The following LTBP4 variants were observed in gnomAD, a reference collection of about 807,000 sequenced individuals.
LTBP4 encodes the protein latent transforming growth factor beta binding protein 4.
In LTBP4, 93 loss-of-function variants were observed where a neutral mutation model predicts 180.2. The observed-to-expected ratio is 0.52, with a 90% CI of 0.44 to 0.61. LTBP4 has a LOEUF of 0.61. LTBP4 is among the 20% of genes least tolerant of loss of function. The probability of loss-of-function intolerance (pLI) is 0.00; values close to 1 mark genes in which losing one functional copy is unlikely to be tolerated. For synonymous variants in LTBP4, 947 were observed against 934.5 expected (o/e 1.01, Z -0.24); for missense variants, 2,116 against 2,256.5 (o/e 0.94, Z 1.26).
At position 40,627,128 on chromosome 19, in the gene LTBP4, T is replaced by C; in HGVS notation, c.4139T>C (p.Leu1380Pro). ...CCTGAGTTGTACCCACCACCTGCGC[T>C]ACCCTACGACCCCTACCCACCGCCA... ...YGPELYPPPA[L>P]PYDPYPPPPG... The change falls in exon 28 of 30, where the codon CTA (leucine) becomes CCA (proline). Residue 1380 changes from leucine (L) to proline (P), a missense_variant. This residue lies in a region of LTBP4 where 488 missense variants were observed against 458.8 expected (regional missense o/e 1.06). Transcript: ENST00000396819. The C allele has an allele frequency of 6.2e-7, 1 of 1,613,866 alleles. No homozygotes were observed.
At chr19:40,608,393 G>T (rs2081479278) in intron 8 of LTBP4, 24 bp downstream of exon 8, 8 of 1,609,180 alleles carry the variant, frequency 5.0e-6, no homozygotes, top group African/African-American at 1.3e-5. Flanking sequence ...GGCAGAAGTG[G>T]GTGCCATCTT....
Position 40,617,242 on chromosome 19 carries a change from G to A in LTBP4, c.3070+17G>A, listed in dbSNP as rs769136518. 1.2e-6 allele frequency: 2 copies of A among 1,609,136 alleles called. No homozygotes were observed. The highest frequency in any genetic ancestry group is 4.5e-5 in the East Asian group (2 of 44,746). ...ACTGCGTGGGTACGGGACTTCAGGA[G>A]GTGGATGGGACCAAAGGGGGTGGGG... is the stretch of plus-strand genomic sequence containing the variant. On this transcript the variant is annotated intron_variant, in intron 21 of 29. Transcript: ENST00000396819.
intron 24 of LTBP4, 104 bp from the exon 25 acceptor site, chr19:40,623,500 A>T (rs1345127585): frequency 1.5e-6 from 2 of 1,378,230 alleles, no homozygotes; most frequent in Non-Finnish European, 2.0e-6. Context: ...CCCTGTCTCT[A>T]CTTCTTGGTC....
chr19:40,615,697 G>A (rs1196100678), intron 19 of LTBP4, among the ~76,000 whole-genome samples: 5 of 152,066 alleles, frequency 3.3e-5, no homozygotes, highest in Non-Finnish European at 7.4e-5. Context: ...GGCGGAGGTG[G>A]CAGTTGAGCC....
In LTBP4 at chr19:40,623,666, G is replaced by A; in HGVS notation, c.3619G>A (p.Ala1207Thr). Residue 1207 changes from alanine to threonine, a missense_variant, in exon 25 of 30, where the codon GCC becomes ACC. Physicochemically the swap from Ala to Thr is moderately conservative, Grantham distance 58. Coordinates refer to ENST00000396819, the MANE Select transcript of LTBP4 (RefSeq NM_001042545.2). Reference protein sequence around the residue: ...VCKSGVCVNTAPGYSCYCSNG... With the variant: ...VCKSGVCVNTTPGYSCYCSNG... Reference sequence around the variant, plus strand: ...CAAGAGTGGCGTGTGTGTGAACACGGCCCCGGGCTACTCATGCTATTGCAG... The same window carrying A: ...CAAGAGTGGCGTGTGTGTGAACACGACCCCGGGCTACTCATGCTATTGCAG... 1 of 1,613,804 alleles carries A rather than the reference G, an allele frequency of 6.2e-7. No homozygotes were observed. The highest frequency in any genetic ancestry group is 1.3e-5 in the African/African-American group (1 of 75,010).
In LTBP4 at chr19:40,613,103, C is replaced by T. The variant is rs576591245; in HGVS notation, c.2338C>T (p.Pro780Ser). 8.9e-5 allele frequency: 144 copies of T among 1,609,386 alleles called. 1 individual carries two copies. In the Admixed American group the frequency reaches 2.4e-3, roughly 27 times the overall value. ...ECSSGAPPCG[P>S]HGHCTNTEGS... The stretch of plus-strand genomic sequence containing the variant: ...CAGTTCGGGTGCCCCTCCCTGTGGT[C>T]CCCACGGCCACTGCACTAACACCGA... Residue 780 changes from proline to serine, a missense_variant, in exon 16 of 30, where the codon CCC becomes TCC. By Grantham distance (74) the Pro-to-Ser change is moderately conservative. Around this residue, in one of 5 missense-constraint regions of LTBP4, gnomAD observed 877 missense variants for 873.6 expected, o/e 1.00. Coordinates refer to ENST00000396819, the MANE Select transcript of LTBP4 (RefSeq NM_001042545.2). This position sits in a 1 kb window ranked among gnomAD's most constrained non-coding sequence, Gnocchi z 5.0.
chr19:40,619,239 G>A (rs373722328), intron 21 of LTBP4, 108 bp from the exon 22 acceptor site: 2 of 1,122,940 alleles, frequency 1.8e-6, no homozygotes. Flanking sequence ...ATGGGATCTG[G>A]GCCATTAAAT....
chr19:40,615,201 G>GGGGGGGGGGGGGGGGGT (rs2081540033), intron 19 of LTBP4: 1 of 146,868 alleles, frequency 6.8e-6, no homozygotes. Flanking sequence ...GGCGGGGGGG[G>GGGGGGGGGGGGGGGGGT]GGGGGCGGTG....
At chr19:40,615,862 G>A (rs1264462402) in intron 19 of LTBP4, among the ~76,000 whole-genome samples, 2 of 152,356 alleles carry the variant, frequency 1.3e-5, no homozygotes, top group Non-Finnish European at 2.9e-5. Flanking sequence ...CTATTGTAGA[G>A]TTTGTATTCT....
intron 1 of LTBP4, among the ~76,000 whole-genome samples, chr19:40,602,192 G>T (rs1315346991): frequency 3.4e-5 from 5 of 148,682 alleles, no homozygotes; most frequent in African/African-American, 7.6e-5. Flanking sequence ...TGGCGGCGGG[G>T]GTGGGGTGGG....
At chr19:40,610,244 C>CT (rs560728663) in intron 11 of LTBP4, 107 of 515,512 alleles carry the variant, frequency 2.1e-4, no homozygotes, top group African/African-American at 1.9e-3. Flanking sequence ...GATTCCAACC[C>CT]TGCCACACCA....
At chr19:40,599,471 C>G (rs780080507), upstream of LTBP4, 3 of 1,613,862 alleles carry the variant, frequency 1.9e-6, no homozygotes, top group Non-Finnish European at 2.5e-6. Context: ...AGGCCCCCAG[C>G]GGTGCCTGAA....
At position 40,614,459 on chromosome 19, in the gene LTBP4, C is replaced by T. The variant is rs1044302337; in HGVS notation, c.2812+13C>T. On this transcript the variant is annotated intron_variant, in intron 19 of 29. Coordinates refer to ENST00000396819, the MANE Select transcript of LTBP4 (RefSeq NM_001042545.2). Reference sequence around the variant, plus strand: ...GGCACCTGTGACGGTGAGCCTGCCCCCACCCGCCTTCGCTAGCGCTTGCAA... The same window carrying T: ...GGCACCTGTGACGGTGAGCCTGCCCTCACCCGCCTTCGCTAGCGCTTGCAA... 1.3e-6 allele frequency: 2 copies of T among 1,596,338 alleles called. No individual in the cohort carries two copies. The highest frequency in any genetic ancestry group is 1.7e-6 in the Non-Finnish European group (2 of 1,178,686).
At chr19:40,612,410 C>T (rs2081514573) in intron 15 of LTBP4, among the ~76,000 whole-genome samples, 1 of 152,176 alleles carries the variant, frequency 6.6e-6, no homozygotes, top group Non-Finnish European at 1.5e-5. Flanking sequence ...CTAACCATCA[C>T]CCTTGATGAT....
At chr19:40,626,886 T>C in intron 27 of LTBP4, 89 bp from the exon 28 acceptor site, 1 of 1,426,066 alleles carries the variant, frequency 7.0e-7, no homozygotes, top group Non-Finnish European at 9.2e-7. Flanking sequence ...CCCCATCCAG[T>C]CCTCTGCCTC....
upstream of LTBP4, chr19:40,597,213 G>A: frequency 2.1e-6 from 3 of 1,455,738 alleles, no homozygotes; most frequent in South Asian, 4.1e-5. Flanking sequence ...CCCGCCCGGA[G>A]CGGGACTCGG....
At position 40,629,801 on chromosome 19, in the gene LTBP4, A is replaced by C; in HGVS notation, c.*251A>C. The C allele has an allele frequency of 3.0e-6, 1 of 329,892 alleles. No individual in the cohort carries two copies. Among genetic ancestry groups the C allele is most frequent in the Non-Finnish European group, 5.5e-6 (1 of 182,798 alleles). The allele number at this position is 329,892 out of a possible 1,614,324, so 20.4% of individuals were successfully genotyped here. On this transcript the variant is annotated 3_prime_UTR_variant, in exon 30 of 30. Transcript: ENST00000396819. This position sits in a 1 kb window ranked among gnomAD's most constrained non-coding sequence, Gnocchi z 4.5. The stretch of plus-strand genomic sequence containing the variant: ...CTCCCTTTTATAAAATTTTCCATTA[A>C]AAACCACCTATTTTCTATCTTTTGC...
At chr19:40,604,431 G>A (rs890090419) in intron 1 of LTBP4, among the ~76,000 whole-genome samples, 1 of 152,134 alleles carries the variant, frequency 6.6e-6, no homozygotes, top group Non-Finnish European at 1.5e-5. Flanking sequence ...GGTCGGAGGG[G>A]CTGGAACAGC....
intron 28 of LTBP4, 72 bp from the exon 29 acceptor site, chr19:40,627,633 C>A: frequency 6.5e-7 from 1 of 1,526,728 alleles, no homozygotes. Context: ...GAGCCAAGGA[C>A]GCGCACCCAC....
Sources: allele counts gnomAD v4.1 joint callset (sites outside exome capture counted in the v4.1 genomes callset), GRCh38; gene constraint gnomAD v4.1.1; regional missense constraint gnomAD v4.1.1; non-coding constraint Gnocchi (gnomAD v3.1); transcripts MANE v1.5; gene names NCBI Gene and HGNC (gene_info 2026-07-23, HGNC 2026-07-21).